The following ANO3 variants were observed in gnomAD, a reference collection of about 807,000 sequenced individuals.
ANO3 encodes anoctamin-3.
Under a neutral mutation model 144.8 loss-of-function variants are expected in ANO3, and 99 were observed. The ratio of observed to expected loss-of-function variants is 0.68; its 90% CI spans 0.58 to 0.81. The LOEUF (loss-of-function observed/expected upper bound fraction) is 0.81, where lower values mean the gene tolerates loss of function less well. Among genes scored for constraint, ANO3 ranks in the 30% least tolerant of loss-of-function variants. ANO3 has a pLI of 0.00. For synonymous variants in ANO3, 414 were observed against 392.6 expected (o/e 1.05, Z -0.64); for missense variants, 905 against 1,202.2 (o/e 0.75, Z 3.66).
chr11:26,466,795 G>A (rs1310539022), intron 4 of ANO3, among the ~76,000 whole-genome samples: 1 of 151,914 alleles, frequency 6.6e-6, no homozygotes, highest in East Asian at 1.9e-4. Context: ...AAGAGATAAT[G>A]GAGACAACCA....
chr11:26,268,056 T>C (rs1437413021), intron 1 of ANO3, among the ~76,000 whole-genome samples: 1 of 152,156 alleles, frequency 6.6e-6, no homozygotes, highest in Non-Finnish European at 1.5e-5. Flanking sequence ...ATGTTACATA[T>C]ACTGGTCAGG....
At position 26,332,187 on chromosome 11, in the gene ANO3, C is replaced by A; in HGVS notation, c.-89C>A. 6.2e-7 allele frequency: 1 copy of A among 1,611,570 alleles called. No individual in the cohort carries two copies. Among genetic ancestry groups the A allele is most frequent in the African/African-American group, 1.3e-5 (1 of 74,942 alleles). On this transcript the variant is annotated 5_prime_UTR_variant, in exon 1 of 27. Transcript: ENST00000256737. ...GATTGCAGTGCGCTCGCTGAGGCTC[C>A]GGACCTTGGAGCGTCTAGAGTCTGG...
chr11:26,422,951 C>T (rs1487296224), intron 1 of ANO3, among the ~76,000 whole-genome samples: 1 of 151,930 alleles, frequency 6.6e-6, no homozygotes, highest in East Asian at 1.9e-4. Flanking sequence ...GCTTTGGAAA[C>T]ACTTGATAGT....
At chr11:26,217,803 T>A (rs2133789392) in intron 1 of ANO3, among the ~76,000 whole-genome samples, 1 of 150,546 alleles carries the variant, frequency 6.6e-6, no homozygotes, top group Non-Finnish European at 1.5e-5. Flanking sequence ...TTTAAAATGT[T>A]TTAAATTAGT....
intron 8 of ANO3, among the ~76,000 whole-genome samples, chr11:26,533,475 A>C (rs1316284967): frequency 5.9e-5 from 9 of 152,180 alleles, no homozygotes; most frequent in African/African-American, 2.2e-4. Context: ...ATAAAACTGA[A>C]GACATAAGAC....
At chr11:26,558,857 T>C (rs2134242172) in intron 13 of ANO3, among the ~76,000 whole-genome samples, 1 of 152,140 alleles carries the variant, frequency 6.6e-6, no homozygotes, top group East Asian at 1.9e-4. Context: ...ATAATACTGT[T>C]CTTTAACCCA....
chr11:26,476,007 T>C (rs1050440100), intron 4 of ANO3, among the ~76,000 whole-genome samples: 1 of 152,072 alleles, frequency 6.6e-6, no homozygotes, highest in African/African-American at 2.4e-5. Context: ...GTAGCTTCAG[T>C]TGAGGCCTGA....
At chr11:26,481,458 G>T (rs547030556) in intron 4 of ANO3, among the ~76,000 whole-genome samples, 1 of 152,174 alleles carries the variant, frequency 6.6e-6, no homozygotes, top group African/African-American at 2.4e-5. Flanking sequence ...CCACAGGTGG[G>T]ATTTTTGGGA....
At chr11:26,240,891 G>T (rs1178533905) in intron 1 of ANO3, among the ~76,000 whole-genome samples, 3 of 151,944 alleles carry the variant, frequency 2.0e-5, no homozygotes, top group African/African-American at 4.8e-5. Context: ...AAAATTCATT[G>T]CTTATGACAG....
Position 26,390,863 on chromosome 11 carries a change from C to T in ANO3, c.47-51055C>T, listed in dbSNP as rs191078774. On this transcript the variant is annotated intron_variant, in intron 1 of 26. Transcript: ENST00000256737. ...TGCAAGTGACTAGTTCTTTTCTTGT[C>T]CCTAGATAAAAATTAGGGCAAGTTC... 8.0e-3 allele frequency among the ~76,000 whole-genome samples: 1,218 copies of T among 152,094 alleles called. 11 individuals are homozygous for T. The highest frequency in any genetic ancestry group is 0.013 in the Non-Finnish European group (867 of 67,988).
chr11:26,336,626 T>A (rs1336025565), intron 1 of ANO3, among the ~76,000 whole-genome samples: 2 of 152,178 alleles, frequency 1.3e-5, no homozygotes, highest in Non-Finnish European at 2.9e-5. Context: ...AGAAGGACAA[T>A]CCTGGGAAAA....
chr11:26,373,227 T>C (rs868647668), intron 1 of ANO3, among the ~76,000 whole-genome samples: 1 of 152,186 alleles, frequency 6.6e-6, no homozygotes, highest in Non-Finnish European at 1.5e-5. Flanking sequence ...TCATCTCAAA[T>C]TGTAATCCCT....
intron 1 of ANO3, among the ~76,000 whole-genome samples, chr11:26,426,551 A>T (rs1286974987): frequency 6.6e-6 from 1 of 152,224 alleles, no homozygotes; most frequent in African/African-American, 2.4e-5. Context: ...TAATTCTTGA[A>T]AAATACCTAA....
chr11:26,345,605 G>A (rs1014411217), intron 1 of ANO3, among the ~76,000 whole-genome samples: 2 of 151,952 alleles, frequency 1.3e-5, no homozygotes, highest in South Asian at 4.1e-4. Context: ...GTACTTAGCA[G>A]GAAATAAAAG....
intron 4 of ANO3, among the ~76,000 whole-genome samples, chr11:26,463,872 A>T (rs1438701670): frequency 1.3e-5 from 2 of 151,674 alleles, no homozygotes; most frequent in African/African-American, 4.8e-5. Context: ...GATTTTCACG[A>T]CAAATCCTAG....
intron 1 of ANO3, among the ~76,000 whole-genome samples, chr11:26,195,260 T>C (rs1851562071): frequency 6.6e-6 from 1 of 152,172 alleles, no homozygotes. Context: ...CTGTGTTAGC[T>C]TTAAGTATTA....
upstream of ANO3, among the ~76,000 whole-genome samples, chr11:26,307,430 G>A (rs928060549): frequency 6.6e-6 from 1 of 151,798 alleles, no homozygotes; most frequent in Non-Finnish European, 1.5e-5. Context: ...GCTGGGTGCC[G>A]TGGCTCACGC....
intron 11 of ANO3, among the ~76,000 whole-genome samples, chr11:26,543,213 C>A (rs1311003643): frequency 6.6e-6 from 1 of 152,014 alleles, no homozygotes; most frequent in African/African-American, 2.4e-5. Flanking sequence ...CAGCCACGGC[C>A]AAACCATGGC....
chr11:26,436,575 C>A (rs1858303754), intron 1 of ANO3, among the ~76,000 whole-genome samples: 1 of 152,082 alleles, frequency 6.6e-6, no homozygotes, highest in Non-Finnish European at 1.5e-5. Context: ...CTGCCAGCCC[C>A]AACACACTGG....
Sources: allele counts gnomAD v4.1 joint callset (sites outside exome capture counted in the v4.1 genomes callset), GRCh38; gene constraint gnomAD v4.1.1; transcripts MANE v1.5; gene names NCBI Gene and HGNC (gene_info 2026-07-23, HGNC 2026-07-21).